Variants in GPC6 observed in about 807,000 individuals in gnomAD.
GPC6 encodes glypican 6.
GPC6 carries 14 observed loss-of-function variants against 55.2 expected under a neutral mutation model. The observed-to-expected ratio is 0.25, with a 90% CI of 0.17 to 0.40. The LOEUF is 0.40. Ranked by LOEUF, GPC6 falls within the 10% of genes least tolerant of loss-of-function variation. GPC6 has a pLI of 1.00. For missense variants in GPC6, 641 were observed against 708.5 expected, an observed-to-expected ratio of 0.90 and a Z score of 1.08; for synonymous variants, 278 against 259.6, an observed-to-expected ratio of 1.07 and a Z score of -0.68.
At chr13:93,846,897 T>A (rs1888200105) in intron 3 of GPC6, among the ~76,000 whole-genome samples, 1 of 152,196 alleles carries the variant, frequency 6.6e-6, no homozygotes, top group Non-Finnish European at 1.5e-5. Flanking sequence ...AGTATGGAGA[T>A]AATGTTTTAA....
At chr13:93,676,172 T>TAC (rs771597800) in intron 2 of GPC6, among the ~76,000 whole-genome samples, 7 of 72,352 alleles carry the variant, frequency 9.7e-5, no homozygotes, top group East Asian at 6.8e-4. Flanking sequence ...TATATATACA[T>TAC]ACACACACAC....
intron 4 of GPC6, among the ~76,000 whole-genome samples, chr13:94,046,979 G>A (rs1021974213): frequency 3.9e-5 from 6 of 152,030 alleles, no homozygotes; most frequent in Non-Finnish European, 7.4e-5. Flanking sequence ...AAGTTTAAAG[G>A]TAAGGAAAGA....
intron 1 of GPC6, among the ~76,000 whole-genome samples, chr13:93,419,686 A>C (rs1477577809): frequency 6.6e-6 from 1 of 152,134 alleles, no homozygotes; most frequent in East Asian, 1.9e-4. Context: ...CAGTTCTGTG[A>C]GGCTCTTTGC....
At chr13:93,909,940 G>A (rs137910569) in intron 3 of GPC6, among the ~76,000 whole-genome samples, 35 of 151,752 alleles carry the variant, frequency 2.3e-4, no homozygotes, top group Non-Finnish European at 4.6e-4. Flanking sequence ...CCACCTCCCC[G>A]CTCCTACCCA....
At chr13:93,868,406 G>T (rs922033754) in intron 3 of GPC6, among the ~76,000 whole-genome samples, 1 of 151,724 alleles carries the variant, frequency 6.6e-6, no homozygotes, top group Non-Finnish European at 1.5e-5. Context: ...ATTAATGATT[G>T]TAATGATAGA....
intron 1 of GPC6, among the ~76,000 whole-genome samples, chr13:93,466,930 A>T (rs1024044041): frequency 2.0e-5 from 3 of 152,228 alleles, no homozygotes; most frequent in African/African-American, 4.8e-5. Flanking sequence ...TTATCCTCAA[A>T]ATAAATGCTT....
chr13:93,643,001 A>G (rs1880022510), intron 2 of GPC6, among the ~76,000 whole-genome samples: 1 of 152,240 alleles, frequency 6.6e-6, no homozygotes, highest in African/African-American at 2.4e-5. Context: ...ACGTGTTTTC[A>G]TTACAACTCT....
intron 3 of GPC6, among the ~76,000 whole-genome samples, chr13:93,929,174 G>A (rs574857898): frequency 2.6e-5 from 4 of 152,124 alleles, no homozygotes; most frequent in African/African-American, 9.7e-5. Context: ...TGCCTTTCAG[G>A]TCAAAAGCCA....
intron 2 of GPC6, among the ~76,000 whole-genome samples, chr13:93,641,845 G>T (rs77320938): frequency 1.3e-5 from 2 of 152,062 alleles, no homozygotes; most frequent in African/African-American, 4.8e-5. Flanking sequence ...ACAAACTCAT[G>T]TGATATATAC....
At chr13:94,353,110 AAGAAGT>A (rs1483711890) in intron 6 of GPC6, among the ~76,000 whole-genome samples, 3 of 152,092 alleles carry the variant, frequency 2.0e-5, no homozygotes, top group African/African-American at 7.2e-5. Flanking sequence ...AGGAGAGAAA[AAGAAGT>A]AGATACGACT....
At chr13:93,448,168 A>C (rs2139297699) in intron 1 of GPC6, among the ~76,000 whole-genome samples, 1 of 152,294 alleles carries the variant, frequency 6.6e-6, no homozygotes, top group African/African-American at 2.4e-5. Flanking sequence ...GTGCTTCATA[A>C]TGATGTTTTG....
chr13:93,587,432 A>G (rs1877256992), intron 2 of GPC6, among the ~76,000 whole-genome samples: 1 of 152,106 alleles, frequency 6.6e-6, no homozygotes, highest in Non-Finnish European at 1.5e-5. Context: ...TATTTAATTG[A>G]AGGATTAAAA....
intron 1 of GPC6, among the ~76,000 whole-genome samples, chr13:93,440,259 C>T (rs1877737610): frequency 6.6e-6 from 1 of 152,178 alleles, no homozygotes; most frequent in Non-Finnish European, 1.5e-5. Context: ...TTCTGGAACT[C>T]CCTGTCACAA....
intron 1 of GPC6, among the ~76,000 whole-genome samples, chr13:93,428,934 C>T (rs887192151): frequency 6.6e-6 from 1 of 152,140 alleles, no homozygotes; most frequent in African/African-American, 2.4e-5. Flanking sequence ...CAAGAAATCA[C>T]ACTATTGGTT....
chr13:93,838,800 G>A (rs566602945), intron 3 of GPC6, among the ~76,000 whole-genome samples: 50 of 152,136 alleles, frequency 3.3e-4, no homozygotes, highest in African/African-American at 1.2e-3. Context: ...CAACAGCCAC[G>A]ATGCATAGTT....
intron 1 of GPC6, among the ~76,000 whole-genome samples, chr13:93,322,945 C>CAA (rs1879509358): frequency 6.6e-6 from 1 of 152,036 alleles, no homozygotes; most frequent in African/African-American, 2.4e-5. Flanking sequence ...CCCTAGCCCC[C>CAA]CACACCCCCT....
At chr13:93,722,778 C>G (rs1314291982) in intron 2 of GPC6, among the ~76,000 whole-genome samples, 1 of 151,924 alleles carries the variant, frequency 6.6e-6, no homozygotes, top group Non-Finnish European at 1.5e-5. Context: ...AGTGGTGAAT[C>G]TGTTCCCTCT....
At chr13:93,484,952 A>G (rs974996135) in intron 1 of GPC6, among the ~76,000 whole-genome samples, 11 of 152,216 alleles carry the variant, frequency 7.2e-5, no homozygotes, top group African/African-American at 2.7e-4. Context: ...TAAAATATAC[A>G]TACAGCATAT....
chr13:93,843,434 T>C (rs77832799), intron 3 of GPC6, among the ~76,000 whole-genome samples: 5,765 of 152,134 alleles, frequency 0.038, 345 homozygotes, highest in African/African-American at 0.13. Flanking sequence ...AGGATGGGTA[T>C]ATAAAGGGGA....
Sources: allele counts gnomAD v4.1 joint callset (sites outside exome capture counted in the v4.1 genomes callset), GRCh38; gene constraint gnomAD v4.1.1; transcripts MANE v1.5; gene names NCBI Gene and HGNC (gene_info 2026-07-23, HGNC 2026-07-21).